ORC4: variants seen among roughly 807,000 people sequenced by gnomAD.
ORC4 encodes origin recognition complex, subunit 4 homolog.
Under a neutral mutation model 63.9 loss-of-function variants are expected in ORC4, and 55 were observed. The observed-to-expected ratio is 0.86, with a 90% confidence interval of 0.69 to 1.08. ORC4 has a LOEUF of 1.08. ORC4 is among the 50% of genes least tolerant of loss of function. The probability of loss-of-function intolerance (pLI) is 0.00; values close to 1 mark genes in which losing one functional copy is unlikely to be tolerated. For missense variants in ORC4, 511 were observed against 504.4 expected, an observed-to-expected ratio of 1.01 and a Z score of -0.13; for synonymous variants, 150 against 168.5, an observed-to-expected ratio of 0.89 and a Z score of 0.85.
chr2:147,993,633 GA>G (rs1220994678), intron 1 of ORC4, among the ~76,000 whole-genome samples: 2 of 152,134 alleles, frequency 1.3e-5, no homozygotes, highest in Non-Finnish European at 2.9e-5. Flanking sequence ...AGGATAAATG[GA>G]AATGTCAGTT....
intron 2 of ORC4, 23 bp downstream of exon 2, chr2:147,975,879 G>C: frequency 7.3e-7 from 1 of 1,376,174 alleles, no homozygotes; most frequent in Non-Finnish European, 1.0e-6. Flanking sequence ...AATATCTTGA[G>C]ATTAATGAAA....
At chr2:147,937,596 T>C (rs538889897) in intron 13 of ORC4, among the ~76,000 whole-genome samples, 3 of 152,186 alleles carry the variant, frequency 2.0e-5, no homozygotes, top group Non-Finnish European at 4.4e-5. Flanking sequence ...TTGCATTAAA[T>C]ATATAATTAA....
At chr2:147,975,204 C>G (rs570997976) in intron 2 of ORC4, among the ~76,000 whole-genome samples, 1 of 152,136 alleles carries the variant, frequency 6.6e-6, no homozygotes, top group African/African-American at 2.4e-5. Context: ...CATTTCCCTA[C>G]TAATCTATAA....
intron 4 of ORC4, among the ~76,000 whole-genome samples, chr2:147,967,501 C>T (rs1050498611): frequency 6.6e-6 from 1 of 150,664 alleles, no homozygotes; most frequent in Non-Finnish European, 1.5e-5. Flanking sequence ...TAACAACAAA[C>T]TACCCGAAAA....
At chr2:147,992,708 G>A (rs913988508) in intron 1 of ORC4, among the ~76,000 whole-genome samples, 1 of 152,022 alleles carries the variant, frequency 6.6e-6, no homozygotes, top group African/African-American at 2.4e-5. Context: ...ATACTGCTAG[G>A]GCTAAGGAAA....
chr2:148,005,758 C>T (rs1692590688), intron 1 of ORC4, among the ~76,000 whole-genome samples: 1 of 150,314 alleles, frequency 6.7e-6, no homozygotes, highest in African/African-American at 2.4e-5. Context: ...GCGAGTGGAT[C>T]ATTTGATCTC....
In ORC4 at chr2:147,974,201, C is replaced by T. The variant is rs942387904; in HGVS notation, c.58-677G>A. 2.0e-5 allele frequency among the ~76,000 whole-genome samples: 3 copies of T among 152,092 alleles called. No homozygotes were observed. The East Asian group carries it at 5.8e-4, about 29-fold the overall frequency. On this transcript the variant is annotated intron_variant, in intron 2 of 13. Coordinates refer to ENST00000392857, the MANE Select transcript of ORC4 (RefSeq NM_181741.4). ...AAAACAATACATACTTGTTCATTAT[C>T]GAGGAAGTTAAAGAGTAAGGACATT...
rs200660333 is a variant in ORC4, at chr2:147,935,663, C to T, written c.1158G>A (p.Lys386=). ...FEHLQQLELI[K]PMERTSGNSQ... is the part of the protein sequence containing the mutation. ...AATTTCCTGAAGTTCTTTCCATGGG[C>T]TTTATTAATTCTAATTGCTGCAAGT... The change falls in exon 14 of 14, where the codon AAG becomes AAA. Residue 386 remains lysine, a synonymous_variant. Coordinates refer to ENST00000392857, the MANE Select transcript of ORC4 (RefSeq NM_181741.4). 5 of 1,613,148 alleles carry T rather than the reference C, an allele frequency of 3.1e-6. No homozygotes were observed. Among genetic ancestry groups the T allele is most frequent in the Admixed American group, 1.7e-5 (1 of 59,978 alleles).
Position 147,936,231 on chromosome 2 carries a change from A to G in ORC4, c.1123-533T>C, listed in dbSNP as rs149397345. 4.6e-4 allele frequency: 73 copies of G among 158,962 alleles called. No homozygotes were observed. In the East Asian group the frequency reaches 0.012, roughly 26 times the overall value. 9.8% of individuals were successfully genotyped at this position (158,962 alleles called of 1,614,324 possible). A position where few individuals can be genotyped will look rare whatever the true frequency, so the allele number is the denominator to read the frequency against. ...CTGTAAGTAAAGGATTCAGCAGGCT[A>G]GTATGGACATGGAGGAGAAGGGACA... On this transcript the variant is annotated intron_variant, in intron 13 of 13. Coordinates refer to ENST00000392857, the MANE Select transcript of ORC4 (RefSeq NM_181741.4).
chr2:148,006,944 G>T lies in ORC4; in HGVS notation c.-18+13689C>A, dbSNP rs575054927. Reference sequence around the variant, plus strand: ...GAAAGACTCCTGATTGAAGGAAAGGGAAGGTAGAGAGCAAGAGACTCTGCC... The same window carrying T: ...GAAAGACTCCTGATTGAAGGAAAGGTAAGGTAGAGAGCAAGAGACTCTGCC... On this transcript the variant is annotated intron_variant, in intron 1 of 13. Coordinates refer to ENST00000392857, the MANE Select transcript of ORC4 (RefSeq NM_181741.4). 2.0e-3 allele frequency among the ~76,000 whole-genome samples: 303 copies of T among 152,346 alleles called. 1 individual carries two copies. The highest frequency in any genetic ancestry group is 3.6e-3 in the Non-Finnish European group (244 of 68,040).
At chr2:147,954,447 C>G (rs1689135644) in intron 7 of ORC4, among the ~76,000 whole-genome samples, 1 of 152,130 alleles carries the variant, frequency 6.6e-6, no homozygotes, top group South Asian at 2.1e-4. Context: ...GGCTATGAAC[C>G]TATGAGCATG....
chr2:148,018,532 TTAGAC>T, intron 1 of ORC4, among the ~76,000 whole-genome samples: 1 of 152,202 alleles, frequency 6.6e-6, no homozygotes. Context: ...TTTATTAATA[TTAGAC>T]TAAACTGTGG....
intron 6 of ORC4, among the ~76,000 whole-genome samples, chr2:147,956,001 C>T (rs1689229911): frequency 6.6e-6 from 1 of 151,954 alleles, no homozygotes; most frequent in South Asian, 2.1e-4. Context: ...TTTTTGGATA[C>T]TATTAAATAT....
At chr2:147,987,328 T>C (rs1172777844) in intron 1 of ORC4, among the ~76,000 whole-genome samples, 1 of 149,062 alleles carries the variant, frequency 6.7e-6, no homozygotes, top group Non-Finnish European at 1.5e-5. Flanking sequence ...ATATTTGTCA[T>C]TTAAAAGAAC....
At position 147,930,399 on chromosome 2, in the gene ORC4, T is replaced by C. The variant is rs1032999309; in HGVS notation, c.*5111A>G. The C allele has an allele frequency of 4.0e-5, 6 of 151,868 alleles. No homozygotes were observed. Among genetic ancestry groups the C allele is most frequent in the Admixed American group, 6.6e-5 (1 of 15,172 alleles). 9.4% of individuals were successfully genotyped at this position (151,868 alleles called of 1,614,324 possible). Reference sequence around the variant, plus strand: ...AAGAAAGAAGCTTCATCACAGATACTTTCCAGTTTCTCTTTTATACTTTTT... The same window carrying C: ...AAGAAAGAAGCTTCATCACAGATACCTTCCAGTTTCTCTTTTATACTTTTT... On this transcript the variant is annotated 3_prime_UTR_variant, in exon 14 of 14. Transcript: ENST00000392857.
At position 147,972,842 on chromosome 2, in the gene ORC4, A is replaced by C. The variant is rs2105349556; in HGVS notation, c.135-13T>G. On this transcript the variant is annotated splice_polypyrimidine_tract_variant and intron_variant, in intron 3 of 13. Coordinates refer to ENST00000392857, the MANE Select transcript of ORC4 (RefSeq NM_181741.4). ...CTCACTTAAGTGTCTAAAATGATAT[A>C]AATAGGACAAAATTTTAAAAATGAA... 2 of 1,526,122 alleles carry C rather than the reference A, an allele frequency of 1.3e-6. No individual in the cohort carries two copies. Among genetic ancestry groups the C allele is most frequent in the Non-Finnish European group, 1.8e-6 (2 of 1,101,340 alleles). 94.5% of individuals were successfully genotyped at this position (1,526,122 alleles called of 1,614,324 possible).
chr2:148,017,915 A>T (rs1693409221), intron 1 of ORC4, among the ~76,000 whole-genome samples: 1 of 152,216 alleles, frequency 6.6e-6, no homozygotes. Context: ...TAGCACAAGC[A>T]TAGAACTTGT....
At chr2:147,995,860 A>G (rs1691932117) in intron 1 of ORC4, among the ~76,000 whole-genome samples, 2 of 152,186 alleles carry the variant, frequency 1.3e-5, no homozygotes, top group Admixed American at 6.5e-5. Flanking sequence ...CGAGACGAAG[A>G]ACCCAATGGA....
intron 2 of ORC4, 58 bp from the exon 3 acceptor site, chr2:147,973,582 A>T (rs1216765136): frequency 1.4e-5 from 14 of 977,174 alleles, no homozygotes; most frequent in Middle Eastern, 2.7e-4. Flanking sequence ...TATAAAAAAT[A>T]AATAAGAAAG....
Sources: allele counts gnomAD v4.1 joint callset (sites outside exome capture counted in the v4.1 genomes callset), GRCh38; gene constraint gnomAD v4.1.1; transcripts MANE v1.5; gene names NCBI Gene and HGNC (gene_info 2026-07-23, HGNC 2026-07-21).